The following CD82 variants were observed in gnomAD, a reference collection of about 807,000 sequenced individuals.
The protein encoded by CD82 is CD82 molecule, also known as CD82 antigen.
In CD82, 36 loss-of-function variants were observed where a neutral mutation model predicts 37.4. That is an observed-to-expected ratio of 0.96 (90% CI 0.74 to 1.27). The LOEUF (loss-of-function observed/expected upper bound fraction) is 1.27. Among genes scored for constraint, CD82 ranks in the 50% most tolerant of loss-of-function variants. The pLI is 0.00. For missense variants in CD82, 340 were observed against 347.0 expected (o/e 0.98, Z 0.16); for synonymous variants, 158 against 137.4 (o/e 1.15, Z -1.05).
In CD82 at chr11:44,605,141, T is replaced by G. The variant is rs1853372137; in HGVS notation, c.220T>G (p.Cys74Gly). ...AVTMLMGFLG[C>G]IGAVNEVRCL... ...CACTATGCTCATGGGCTTCCTGGGCTGCATCGGCGCCGTCAACGAGGTCCG... is the reference window on the plus strand; with the variant it reads ...CACTATGCTCATGGGCTTCCTGGGCGGCATCGGCGCCGTCAACGAGGTCCG... The change falls in exon 5 of 10, where the codon TGC becomes GGC. Residue 74 changes from cysteine (C) to glycine (G), a missense_variant. Cys to Gly is a radical substitution (Grantham distance 159). Transcript: ENST00000227155. 1.2e-6 allele frequency: 2 copies of G among 1,614,182 alleles called. No individual in the cohort carries two copies. Among genetic ancestry groups the G allele is most frequent in the East Asian group, 4.5e-5 (2 of 44,876 alleles).
chr11:44,565,473 G>A (rs1437510286), upstream of CD82: 1 of 152,192 alleles, frequency 6.6e-6, no homozygotes, highest in African/African-American at 2.4e-5. Context: ...GCTGGGCCCG[G>A]GGGCGAGGCT....
intron 1 of CD82, chr11:44,585,003 T>G: frequency 2.9e-6 from 1 of 345,372 alleles, no homozygotes; most frequent in Non-Finnish European, 5.8e-6. Context: ...CAGACCGAGC[T>G]CCCACGGGAT....
In CD82 at chr11:44,618,206, C is replaced by T. The variant is rs200149429; in HGVS notation, c.483C>T (p.Asn161=). The change falls in exon 8 of 10, where the codon AAC becomes AAT. Residue 161 remains asparagine, a synonymous_variant. Coordinates refer to ENST00000227155, the MANE Select transcript of CD82 (RefSeq NM_002231.4). ...TCAGCTTCTACAACTGGACAGACAACGCTGAGCTCATGAATCGCCCTGAGG... is the reference window on the plus strand; with the variant it reads ...TCAGCTTCTACAACTGGACAGACAATGCTGAGCTCATGAATCGCCCTGAGG... ...GWVSFYNWTD[N]AELMNRPEVT... 9.2e-5 allele frequency: 149 copies of T among 1,614,064 alleles called. No individual in the cohort carries two copies. The highest frequency in any genetic ancestry group is 2.3e-4 in the South Asian group (21 of 91,084).
intron 1 of CD82, among the ~76,000 whole-genome samples, chr11:44,569,700 T>C (rs1008775925): frequency 1.3e-5 from 2 of 152,140 alleles, no homozygotes; most frequent in African/African-American, 4.8e-5. Context: ...CCTACCTCCC[T>C]ATTTTTACCT....
At chr11:44,599,564 TG>T (rs1237714904) in intron 3 of CD82, among the ~76,000 whole-genome samples, 1 of 152,260 alleles carries the variant, frequency 6.6e-6, no homozygotes, top group Admixed American at 6.5e-5. Flanking sequence ...CAGCCAGCCC[TG>T]CCCTCAGGGA....
chr11:44,573,027 G>A (rs2134618503), intron 1 of CD82: 2 of 152,398 alleles, frequency 1.3e-5, no homozygotes, highest in South Asian at 4.1e-4. Context: ...CTCTGCGAGG[G>A]GCGGGGCCCC....
intron 6 of CD82, among the ~76,000 whole-genome samples, chr11:44,611,765 C>T (rs1204467581): frequency 6.6e-6 from 1 of 152,228 alleles, no homozygotes; most frequent in East Asian, 1.9e-4. Flanking sequence ...GCTGAACCAG[C>T]CCCTGTGGCC....
intron 3 of CD82, 102 bp downstream of exon 3, chr11:44,594,827 G>C (rs1853198837): frequency 1.1e-6 from 1 of 934,858 alleles, no homozygotes; most frequent in African/African-American, 1.6e-5. Flanking sequence ...GGGGATTGGG[G>C]GGATTTGGTG....
At chr11:44,572,970 A>C (rs942283961) in intron 1 of CD82, 1 of 152,352 alleles carries the variant, frequency 6.6e-6, no homozygotes, top group African/African-American at 2.4e-5. Context: ...ACCAGGTAGC[A>C]GGAGCAGAGA....
intron 2 of CD82, among the ~76,000 whole-genome samples, chr11:44,590,732 T>C (rs541698787): frequency 2.0e-5 from 3 of 151,944 alleles, no homozygotes; most frequent in African/African-American, 7.2e-5. Context: ...ACACCAACCC[T>C]TATTTCTGTC....
At chr11:44,613,820 C>CA (rs1205837726) in intron 6 of CD82, among the ~76,000 whole-genome samples, 3 of 133,120 alleles carry the variant, frequency 2.3e-5, no homozygotes, top group Admixed American at 1.6e-4. Context: ...GACCCTGTCT[C>CA]AAAAAAACAA....
At chr11:44,585,186 C>A (rs1277459716) in intron 1 of CD82, 2 of 456,164 alleles carry the variant, frequency 4.4e-6, no homozygotes, top group Non-Finnish European at 4.4e-6. Context: ...GGCACGGAGC[C>A]TCTCCAGGAT....
intron 7 of CD82, among the ~76,000 whole-genome samples, chr11:44,616,163 T>G (rs932788173): frequency 6.6e-6 from 1 of 151,980 alleles, no homozygotes; most frequent in Admixed American, 6.5e-5. Context: ...ACAAAGGGCA[T>G]GGGCAGCAGG....
intron 8 of CD82, 103 bp from the exon 9 acceptor site, chr11:44,618,537 C>T (rs1406267639): frequency 1.8e-6 from 2 of 1,135,182 alleles, no homozygotes; most frequent in African/African-American, 1.5e-5. Flanking sequence ...GCAGAGCCCT[C>T]TGTAGGGGCT....
At chr11:44,567,110 C>T (rs1377506441) in intron 1 of CD82, among the ~76,000 whole-genome samples, 1 of 152,182 alleles carries the variant, frequency 6.6e-6, no homozygotes. Flanking sequence ...GGATCAGTCA[C>T]ACCCAGGGCT....
At chr11:44,575,765 C>A (rs1852882260) in intron 1 of CD82, among the ~76,000 whole-genome samples, 2 of 152,164 alleles carry the variant, frequency 1.3e-5, no homozygotes, top group African/African-American at 4.8e-5. Flanking sequence ...CACCTCACCA[C>A]CCCTTCTCCC....
chr11:44,602,558 G>A (rs936852467), intron 4 of CD82, among the ~76,000 whole-genome samples: 4 of 152,184 alleles, frequency 2.6e-5, no homozygotes, highest in African/African-American at 9.7e-5. Context: ...CTTGCCCAGG[G>A]TCAGAGTGTG....
intron 2 of CD82, among the ~76,000 whole-genome samples, chr11:44,593,119 G>A (rs185098924): frequency 2.1e-4 from 32 of 152,368 alleles, no homozygotes; most frequent in African/African-American, 7.2e-4. Context: ...GGTGTGTGAA[G>A]TGGAAGCTGA....
At chr11:44,593,279 C>T (rs369650184) in intron 2 of CD82, among the ~76,000 whole-genome samples, 146 of 152,334 alleles carry the variant, frequency 9.6e-4, no homozygotes, top group African/African-American at 3.3e-3. Context: ...CTTTCCTTTC[C>T]CTTTGCTCTG....
Sources: allele counts gnomAD v4.1 joint callset (sites outside exome capture counted in the v4.1 genomes callset), GRCh38; gene constraint gnomAD v4.1.1; transcripts MANE v1.5; gene names NCBI Gene and HGNC (gene_info 2026-07-23, HGNC 2026-07-21).